RABEP1: variants seen among roughly 807,000 people sequenced by gnomAD.
The protein encoded by RABEP1 is rab GTPase-binding effector protein 1.
Under a neutral mutation model 123.4 loss-of-function variants are expected in RABEP1, and 51 were observed. The observed-to-expected ratio is 0.41, with a 90% CI of 0.33 to 0.52. The LOEUF (loss-of-function observed/expected upper bound fraction) is 0.52, where lower values mean the gene tolerates loss of function less well. Ranked by LOEUF, RABEP1 falls within the 20% of genes least tolerant of loss-of-function variation. RABEP1 has a pLI of 0.16. For synonymous variants in RABEP1, 347 were observed against 355.2 expected, an observed-to-expected ratio of 0.98 and a Z score of 0.26; for missense variants, 888 against 996.3, an observed-to-expected ratio of 0.89 and a Z score of 1.46.
At chr17:5,320,103 G>A (rs913637768) in intron 2 of RABEP1, among the ~76,000 whole-genome samples, 2 of 151,916 alleles carry the variant, frequency 1.3e-5, no homozygotes, top group East Asian at 3.9e-4. Flanking sequence ...AGTGGTCAAG[G>A]ACAAAGAGAG....
intron 1 of RABEP1, 82 bp from the exon 2 acceptor site, chr17:5,308,612 G>A: frequency 2.4e-6 from 3 of 1,241,042 alleles, no homozygotes; most frequent in South Asian, 1.6e-5. Flanking sequence ...GTATAGCAAT[G>A]TACAGCTAGA....
chr17:5,318,206 T>G (rs2075317366), intron 2 of RABEP1, among the ~76,000 whole-genome samples: 2 of 152,270 alleles, frequency 1.3e-5, no homozygotes, highest in South Asian at 4.1e-4. Flanking sequence ...ATTTTGAAGC[T>G]TACAATTGAT....
intron 16 of RABEP1, 33 bp downstream of exon 16, chr17:5,380,495 A>G (rs1375747138): frequency 1.4e-6 from 2 of 1,436,020 alleles, no homozygotes; most frequent in East Asian, 2.5e-5. Flanking sequence ...AATTTTAAAA[A>G]GCAGGGCTAA....
At position 5,368,447 on chromosome 17, in the gene RABEP1, G is replaced by C. The variant is rs1910265940; in HGVS notation, c.1863G>C (p.Lys621Asn). 1 of 1,613,294 alleles carries C rather than the reference G, an allele frequency of 6.2e-7. No homozygotes were observed. ...TACAGCAGGGGCTTTCCCAGGCAAA[G>C]AGGGATGTTCAGGAACAGATGGTAA... ...EELQQGLSQAKRDVQEQMAVL... is the reference protein window; with the variant it reads ...EELQQGLSQANRDVQEQMAVL... Residue 621 changes from lysine to asparagine, a missense_variant, in exon 12 of 18, where the codon AAG becomes AAC. By Grantham distance (94) the Lys-to-Asn change is moderately conservative (BLOSUM62 0). Coordinates refer to ENST00000537505, the MANE Select transcript of RABEP1 (RefSeq NM_004703.6).
At chr17:5,324,598 C>G (rs1175126002) in intron 2 of RABEP1, among the ~76,000 whole-genome samples, 1 of 152,180 alleles carries the variant, frequency 6.6e-6, no homozygotes, top group African/African-American at 2.4e-5. Context: ...TAAGAAGCCT[C>G]TGCACAATAA....
Position 5,382,498 on chromosome 17 carries a change from C to CA in RABEP1, c.2488-623dup, listed in dbSNP as rs1384858258. Among the ~76,000 whole-genome samples the CA allele has an allele frequency of 3.3e-5, 5 of 151,526 alleles. No individual in the cohort carries two copies. In the East Asian group the frequency reaches 9.9e-4, roughly 30 times the overall value. Reference sequence around the variant, plus strand: ...GCATGGTGGCTCACGCCTATAATCCCAGCAGTATGGGAGGCTGACATGGAT... The same window carrying CA: ...GCATGGTGGCTCACGCCTATAATCCCAAGCAGTATGGGAGGCTGACATGGAT... On this transcript the variant is annotated intron_variant, in intron 17 of 17. Transcript: ENST00000537505.
At chr17:5,377,506 T>A (rs564437009) in intron 14 of RABEP1, among the ~76,000 whole-genome samples, 8 of 150,902 alleles carry the variant, frequency 5.3e-5, no homozygotes, top group Non-Finnish European at 7.4e-5. Flanking sequence ...TCAGAAATTC[T>A]GGTTATTTAA....
At position 5,288,052 on chromosome 17, in the gene RABEP1, T is replaced by C. The variant is rs145169092; in HGVS notation, c.34+5532T>C. 1.1e-3 allele frequency among the ~76,000 whole-genome samples: 170 copies of C among 152,104 alleles called. 1 individual carries two copies. Among genetic ancestry groups the C allele is most frequent in the African/African-American group, 3.9e-3 (163 of 41,488 alleles). On this transcript the variant is annotated intron_variant, in intron 1 of 17. Transcript: ENST00000537505. The stretch of plus-strand genomic sequence containing the variant: ...CAACAGGATTTGCTGACGGATTGAA[T>C]ATGGGATGCAAAAGAAACTGAGTAG...
intron 2 of RABEP1, among the ~76,000 whole-genome samples, chr17:5,314,707 A>G (rs559321891): frequency 1.3e-5 from 2 of 152,118 alleles, no homozygotes; most frequent in Admixed American, 6.5e-5. Flanking sequence ...TTTAGTAGAG[A>G]CGGGGTTTCA....
chr17:5,322,329 C>T (rs565141531), intron 2 of RABEP1, among the ~76,000 whole-genome samples: 2 of 151,664 alleles, frequency 1.3e-5, no homozygotes, highest in East Asian at 3.9e-4. Context: ...CTCTGCATGC[C>T]AAGTCTGGGT....
At chr17:5,373,167 G>A (rs1910659151) in intron 12 of RABEP1, 147 bp from the exon 13 acceptor site, 3 of 601,854 alleles carry the variant, frequency 5.0e-6, no homozygotes, top group African/African-American at 1.9e-5. Flanking sequence ...GAAAATCTCT[G>A]TGCAGCTTTT....
chr17:5,323,214 A>C (rs1003011382), intron 2 of RABEP1, among the ~76,000 whole-genome samples: 4 of 152,232 alleles, frequency 2.6e-5, no homozygotes, highest in Non-Finnish European at 4.4e-5. Context: ...CCTCAAAATA[A>C]TGAAGGCCAT....
At chr17:5,295,842 G>C (rs2075078493) in intron 1 of RABEP1, among the ~76,000 whole-genome samples, 4 of 152,078 alleles carry the variant, frequency 2.6e-5, no homozygotes. Context: ...GGGCCTGTTT[G>C]CCACATCATT....
chr17:5,350,176 C>T (rs985287498), intron 6 of RABEP1, among the ~76,000 whole-genome samples: 4 of 152,008 alleles, frequency 2.6e-5, no homozygotes, highest in Admixed American at 2.6e-4. Flanking sequence ...GTCAGGAGAT[C>T]GAGACCATCC....
intron 1 of RABEP1, among the ~76,000 whole-genome samples, chr17:5,303,728 CT>C (rs2075155958): frequency 6.6e-6 from 1 of 152,084 alleles, no homozygotes; most frequent in South Asian, 2.1e-4. Flanking sequence ...TTGCTTATGT[CT>C]TTATCAAATT....
Position 5,338,113 on chromosome 17 carries a change from A to G in RABEP1, c.623A>G (p.Lys208Arg). The G allele has an allele frequency of 6.2e-7, 1 of 1,613,464 alleles. No individual in the cohort carries two copies. Among genetic ancestry groups the G allele is most frequent in the Non-Finnish European group, 8.5e-7 (1 of 1,179,546 alleles). The change falls in exon 5 of 18, where the codon AAA becomes AGA. Residue 208 changes from lysine (K) to arginine (R), a missense_variant. Physicochemically the swap from Lys to Arg is conservative, Grantham distance 26 (BLOSUM62 2). Transcript: ENST00000537505. ...LKDKLTEAED[K>R]IKELEASKVK... Reference sequence around the variant, plus strand: ...GATAAACTGACAGAGGCTGAAGACAAAATTAAAGAGCTGGAGGCCTCAAAG... The same window carrying G: ...GATAAACTGACAGAGGCTGAAGACAGAATTAAAGAGCTGGAGGCCTCAAAG...
In RABEP1 at chr17:5,330,749, G is replaced by A. The variant is rs139943922; in HGVS notation, c.164-1200G>A. Among the ~76,000 whole-genome samples, 804 of 152,146 alleles carry A rather than the reference G, an allele frequency of 5.3e-3. 3 individuals carry two copies. Among genetic ancestry groups the A allele is most frequent in the South Asian group, 0.01 (50 of 4,816 alleles). On this transcript the variant is annotated intron_variant, in intron 2 of 17. Coordinates refer to ENST00000537505, the MANE Select transcript of RABEP1 (RefSeq NM_004703.6). ...TAAAAGGCGTAAGTTAAGGCCGGGC[G>A]CGGTGGCTCACACCTGTAATCCCAA... is the stretch of plus-strand genomic sequence containing the variant.
In RABEP1 at chr17:5,361,658, A is replaced by C; in HGVS notation, c.1546A>C (p.Asn516His). 1.2e-6 allele frequency: 2 copies of C among 1,606,286 alleles called. No homozygotes were observed. The highest frequency in any genetic ancestry group is 1.7e-6 in the Non-Finnish European group (2 of 1,176,680). Residue 516 changes from asparagine (N) to histidine (H), a missense_variant, in exon 9 of 18, where the codon AAT (asparagine) becomes CAT (histidine). Asn to His is a moderately conservative substitution (Grantham distance 68). Transcript: ENST00000537505. Reference sequence around the variant, plus strand: ...TCGTTTAGTTAGTGAAACAGAATGGAATCTCTTGCAGAAAGAGGTGAGTTA... The same window carrying C: ...TCGTTTAGTTAGTGAAACAGAATGGCATCTCTTGCAGAAAGAGGTGAGTTA... ...GYRLVSETEWNLLQKEVHNAG... is the reference protein window; with the variant it reads ...GYRLVSETEWHLLQKEVHNAG...
At chr17:5,329,176 A>T (rs1906278971) in intron 2 of RABEP1, among the ~76,000 whole-genome samples, 1 of 152,158 alleles carries the variant, frequency 6.6e-6, no homozygotes, top group South Asian at 2.1e-4. Flanking sequence ...AGTACGTTAG[A>T]TAATGTAGTA....
Sources: gnomAD v4.1 joint callset for allele counts (sites outside exome capture counted in the v4.1 genomes callset) on GRCh38, gnomAD v4.1.1 for gene constraint, MANE v1.5 for transcripts, NCBI Gene and HGNC (gene_info 2026-07-23, HGNC 2026-07-21) for gene names.